PROS1: variants seen among roughly 807,000 people sequenced by gnomAD.
PROS1 encodes vitamin K-dependent protein S.
Under a neutral mutation model 75.9 loss-of-function variants are expected in PROS1, and 29 were observed. The observed-to-expected ratio is 0.38, with a 90% confidence interval of 0.28 to 0.52. PROS1 has a LOEUF of 0.52. PROS1 is among the 20% of genes least tolerant of loss of function. The pLI is 0.83. For missense variants in PROS1, 680 were observed against 810.3 expected, an observed-to-expected ratio of 0.84 and a Z score of 1.95; for synonymous variants, 245 against 280.6, an observed-to-expected ratio of 0.87 and a Z score of 1.27.
chr3:93,962,786 T>G lies in PROS1; in HGVS notation c.76+10888A>C, dbSNP rs560700956. 2.0e-5 allele frequency among the ~76,000 whole-genome samples: 3 copies of G among 152,340 alleles called. No homozygotes were observed. In the East Asian group the frequency reaches 5.8e-4, roughly 29 times the overall value. ...ACTCTTCAGCAAGAGTTTGGTCATGTTGGAACATTCCTGCAGAAGTGAGAG... is the reference window on the plus strand; with the variant it reads ...ACTCTTCAGCAAGAGTTTGGTCATGGTGGAACATTCCTGCAGAAGTGAGAG... On this transcript the variant is annotated intron_variant, in intron 1 of 14. Transcript: ENST00000394236.
At chr3:93,902,964 T>A (rs1708619807) in intron 6 of PROS1, among the ~76,000 whole-genome samples, 1 of 151,860 alleles carries the variant, frequency 6.6e-6, no homozygotes, top group Non-Finnish European at 1.5e-5. Flanking sequence ...CCTCCCGGGT[T>A]CACGCTATTC....
intron 10 of PROS1, among the ~76,000 whole-genome samples, chr3:93,887,843 C>A (rs574668417): frequency 5.8e-4 from 89 of 152,290 alleles, no homozygotes; most frequent in African/African-American, 2.1e-3. Flanking sequence ...TGACTCCACT[C>A]CAGGGCATTT....
chr3:93,904,185 T>C (rs1438341854), intron 6 of PROS1, among the ~76,000 whole-genome samples: 1 of 152,140 alleles, frequency 6.6e-6, no homozygotes, highest in Non-Finnish European at 1.5e-5. Flanking sequence ...ATGGTGTATA[T>C]GTGCCACATT....
At chr3:93,908,572 C>T (rs1038814680) in intron 4 of PROS1, among the ~76,000 whole-genome samples, 9 of 152,080 alleles carry the variant, frequency 5.9e-5, no homozygotes, top group African/African-American at 9.7e-5. Flanking sequence ...AAAAAGATCC[C>T]GTAGGGTCTT....
chr3:93,943,856 T>C (rs764866585), intron 1 of PROS1, among the ~76,000 whole-genome samples: 1 of 152,144 alleles, frequency 6.6e-6, no homozygotes, highest in African/African-American at 2.4e-5. Context: ...AGCTCCCCCA[T>C]TGAGCACCTT....
chr3:93,908,004 G>A lies in PROS1; in HGVS notation c.347-1861C>T, dbSNP rs35745510. On this transcript the variant is annotated intron_variant, in intron 4 of 14. Transcript: ENST00000394236. ...CTTTACGAAAAATACAAAACTTAGC[G>A]GGGCGTGGTGGCACATGCCTGTAGT... 6.5e-3 allele frequency among the ~76,000 whole-genome samples: 983 copies of A among 152,070 alleles called. 6 individuals carry two copies. Among genetic ancestry groups the A allele is most frequent in the Middle Eastern group, 0.014 (4 of 292 alleles).
chr3:93,879,021 T>C (rs1708236796), intron 13 of PROS1, 142 bp downstream of exon 13: 4 of 851,588 alleles, frequency 4.7e-6, no homozygotes, highest in Non-Finnish European at 7.3e-6. Context: ...TCCTTAATGA[T>C]GTGCTGGAGA....
chr3:93,883,645 CA>C (rs975557414), intron 12 of PROS1, among the ~76,000 whole-genome samples: 26 of 151,306 alleles, frequency 1.7e-4, no homozygotes, highest in Admixed American at 9.2e-4. Flanking sequence ...GCTACCAAAC[CA>C]TTCCCTTATT....
At chr3:93,875,012 A>G (rs1458808379) in intron 14 of PROS1, among the ~76,000 whole-genome samples, 1 of 151,998 alleles carries the variant, frequency 6.6e-6, no homozygotes, top group Admixed American at 6.6e-5. Context: ...TTAACTCACA[A>G]TGGATATTCT....
chr3:93,879,620 A>G (rs1470284893), intron 12 of PROS1, among the ~76,000 whole-genome samples: 1 of 152,182 alleles, frequency 6.6e-6, no homozygotes, highest in African/African-American at 2.4e-5. Flanking sequence ...TCCCTTGCAC[A>G]TTCACCAATG....
chr3:93,933,283 C>A (rs1388624101), intron 1 of PROS1, among the ~76,000 whole-genome samples: 1 of 152,104 alleles, frequency 6.6e-6, no homozygotes, highest in Non-Finnish European at 1.5e-5. Flanking sequence ...TTTGTTTAAA[C>A]CAAGACTGAG....
At chr3:93,884,470 A>G (rs1708317288) in intron 12 of PROS1, among the ~76,000 whole-genome samples, 1 of 152,222 alleles carries the variant, frequency 6.6e-6, no homozygotes, top group African/African-American at 2.4e-5. Flanking sequence ...AAATAGGTCA[A>G]TTGAATTTAC....
intron 4 of PROS1, among the ~76,000 whole-genome samples, chr3:93,909,048 A>T (rs974838789): frequency 3.0e-4 from 46 of 152,356 alleles, no homozygotes; most frequent in African/African-American, 1.1e-3. Flanking sequence ...AGTAAACCAT[A>T]AAAACACTAA....
intron 10 of PROS1, among the ~76,000 whole-genome samples, chr3:93,889,421 T>G (rs989923212): frequency 2.0e-5 from 3 of 152,150 alleles, no homozygotes; most frequent in Non-Finnish European, 2.9e-5. Flanking sequence ...CAATTAAAAT[T>G]CCTATTAATA....
Position 93,883,819 on chromosome 3 carries a change from G to A in PROS1, c.1492+909C>T, listed in dbSNP as rs549605139. ...ACAAAAATTAGCCGGGCGTGGTGGC[G>A]GGCGCCTGTAGTTCTAGCTACTCAG... On this transcript the variant is annotated intron_variant, in intron 12 of 14. Transcript: ENST00000394236. Among the ~76,000 whole-genome samples, 5 of 151,928 alleles carry A rather than the reference G, an allele frequency of 3.3e-5. No homozygotes were observed. The East Asian group carries it at 5.8e-4, about 18-fold the overall frequency.
At chr3:93,899,326 T>C (rs1424710612) in intron 7 of PROS1, among the ~76,000 whole-genome samples, 1 of 152,098 alleles carries the variant, frequency 6.6e-6, no homozygotes, top group African/African-American at 2.4e-5. Flanking sequence ...TCATTGGATA[T>C]GCCCTATGAC....
intron 1 of PROS1, among the ~76,000 whole-genome samples, chr3:93,965,483 T>G (rs1285351557): frequency 3.3e-5 from 5 of 152,176 alleles, no homozygotes; most frequent in Admixed American, 2.6e-4. Flanking sequence ...GGTTCTCTTC[T>G]GTGACCCAAG....
At chr3:93,965,866 TG>T (rs1405268711) in intron 1 of PROS1, among the ~76,000 whole-genome samples, 3 of 152,096 alleles carry the variant, frequency 2.0e-5, no homozygotes, top group African/African-American at 7.2e-5. Context: ...GGCTAATTTT[TG>T]TATGTTTAGT....
intron 10 of PROS1, among the ~76,000 whole-genome samples, chr3:93,886,880 C>T (rs1708355756): frequency 6.6e-6 from 1 of 151,222 alleles, no homozygotes; most frequent in Non-Finnish European, 1.5e-5. Context: ...TCTGATAATA[C>T]GCACATGGAA....
Sources: gnomAD v4.1 joint callset for allele counts (sites outside exome capture counted in the v4.1 genomes callset) on GRCh38, gnomAD v4.1.1 for gene constraint, MANE v1.5 for transcripts, NCBI Gene and HGNC (gene_info 2026-07-23, HGNC 2026-07-21) for gene names.